SLC25A15: variants seen among roughly 807,000 people sequenced by gnomAD.
SLC25A15 encodes the protein mitochondrial ornithine transporter 1.
SLC25A15 carries 24 observed loss-of-function variants against 32.3 expected under a neutral mutation model. The observed-to-expected ratio is 0.74, with a 90% CI of 0.54 to 1.04. The LOEUF is 1.04. SLC25A15 is among the 50% of genes least tolerant of loss of function. The pLI is 0.00. For missense variants in SLC25A15, 317 were observed against 374.5 expected (o/e 0.85, Z 1.27); for synonymous variants, 132 against 142.1 (o/e 0.93, Z 0.51).
chr13:40,807,350 A>C lies in SLC25A15; in HGVS notation c.509A>C (p.Tyr170Ser). The change falls in exon 5 of 7, where the codon TAC (tyrosine) becomes TCC (serine). Residue 170 changes from tyrosine (Y) to serine (S), a missense_variant. Transcript: ENST00000338625. ...AGGAAAGATGGCCCCTTGGGGTTCT[A>C]CCATGGACTCTCAAGCACTTTACTT... ...ILRKDGPLGF[Y>S]HGLSSTLLRE... 6.2e-7 allele frequency: 1 copy of C among 1,613,956 alleles called. No individual in the cohort carries two copies. Among genetic ancestry groups the C allele is most frequent in the African/African-American group, 1.3e-5 (1 of 74,984 alleles).
intron 1 of SLC25A15, among the ~76,000 whole-genome samples, chr13:40,790,943 G>T (rs73461255): frequency 0.036 from 5,528 of 152,086 alleles, 248 homozygotes; most frequent in East Asian, 0.16. Flanking sequence ...TTAATTCTTA[G>T]GGACAGATAG....
At chr13:40,808,677 T>G in intron 6 of SLC25A15, 81 bp downstream of exon 6, 1 of 1,246,964 alleles carries the variant, frequency 8.0e-7, no homozygotes, top group Middle Eastern at 2.4e-4. Context: ...CTCATGCCTG[T>G]GATCCCAGCA....
intron 1 of SLC25A15, among the ~76,000 whole-genome samples, chr13:40,791,522 T>C (rs981035073): frequency 2.0e-5 from 3 of 151,268 alleles, no homozygotes; most frequent in Non-Finnish European, 2.9e-5. Context: ...CACGCTGGGG[T>C]CATTTTTGTA....
At chr13:40,805,055 T>TGTGTG in intron 3 of SLC25A15, 63 bp from the exon 4 acceptor site, 1 of 1,603,234 alleles carries the variant, frequency 6.2e-7, no homozygotes, top group South Asian at 1.1e-5. Flanking sequence ...AAGTGCTGTC[T>TGTGTG]GTGTGGTGAG....
intron 3 of SLC25A15, chr13:40,802,404 A>G (rs1881927512): frequency 6.6e-6 from 1 of 152,250 alleles, no homozygotes. Flanking sequence ...TCCTACTGAA[A>G]GAAAGCTCCA....
intron 2 of SLC25A15, among the ~76,000 whole-genome samples, chr13:40,796,784 G>C (rs1881682475): frequency 6.6e-6 from 1 of 151,990 alleles, no homozygotes; most frequent in Non-Finnish European, 1.5e-5. Flanking sequence ...CACTGTCCCT[G>C]CCCTGATAGA....
intron 1 of SLC25A15, among the ~76,000 whole-genome samples, chr13:40,791,701 C>T (rs924542421): frequency 6.6e-6 from 1 of 152,162 alleles, no homozygotes; most frequent in Admixed American, 6.6e-5. Context: ...ATGGCCACCA[C>T]CTTTTCAGCC....
chr13:40,798,533 G>A (rs1881748154), intron 2 of SLC25A15: 1 of 153,250 alleles, frequency 6.5e-6, no homozygotes, highest in Admixed American at 6.5e-5. Flanking sequence ...CTGGGCATTA[G>A]GCAAAGTGAG....
At chr13:40,789,759 G>C (rs1481670858) in intron 1 of SLC25A15, 96 bp downstream of exon 1, 1 of 152,270 alleles carries the variant, frequency 6.6e-6, no homozygotes, top group African/African-American at 2.4e-5. Context: ...GTGTGCGGGC[G>C]GCGTGACCTT....
intron 2 of SLC25A15, 90 bp from the exon 3 acceptor site, chr13:40,798,967 G>C (rs987202579): frequency 6.2e-7 from 1 of 1,611,372 alleles, no homozygotes; most frequent in African/African-American, 1.3e-5. Context: ...CGAAGCAGGG[G>C]TAAGTTCTGG....
Position 40,807,159 on chromosome 13 carries a change from C to T in SLC25A15, c.453-135C>T, listed in dbSNP as rs1226049757. The T allele has an allele frequency of 2.0e-5, 17 of 838,388 alleles. No homozygotes were observed. In the East Asian group the frequency reaches 3.4e-4, roughly 17 times the overall value. The allele number at this position is 838,388 out of a possible 1,614,324, so 51.9% of individuals were successfully genotyped here. ...AGAAGGATGCCGTTGAGTCTTAATT[C>T]CTGGCTCTTCATTTACAAAATCAGC... On this transcript the variant is annotated intron_variant, in intron 4 of 6. Transcript: ENST00000338625.
chr13:40,799,138 G>T lies in SLC25A15; in HGVS notation c.137G>T (p.Gly46Val). 1 of 1,614,212 alleles carries T rather than the reference G, an allele frequency of 6.2e-7. No homozygotes were observed. The highest frequency in any genetic ancestry group is 8.5e-7 in the Non-Finnish European group (1 of 1,180,030). Residue 46 changes from glycine (G) to valine (V), a missense_variant, in exon 3 of 7, where the codon GGC becomes GTC. By Grantham distance (109) the Gly-to-Val change is moderately radical (BLOSUM62 -3). Coordinates refer to ENST00000338625, the MANE Select transcript of SLC25A15 (RefSeq NM_014252.4). ...CAGACGTTCCCTGACCTGTACCGGG[G>T]CCTCACCGACTGCTGCCTGAAGACT... ...KMQTFPDLYR[G>V]LTDCCLKTYS...
chr13:40,793,125 T>C, intron 1 of SLC25A15, 33 bp from the exon 2 acceptor site: 2 of 1,189,026 alleles, frequency 1.7e-6, no homozygotes, highest in Non-Finnish European at 1.2e-6. Context: ...TGCTGCAGAC[T>C]TGGACTAATG....
intron 3 of SLC25A15, among the ~76,000 whole-genome samples, chr13:40,804,642 C>T (rs1593293776): frequency 2.0e-5 from 3 of 151,402 alleles, no homozygotes; most frequent in Admixed American, 6.6e-5. Flanking sequence ...CCTGGGTTCA[C>T]GCCATTCTCC....
At chr13:40,799,638 A>G (rs1881804739) in intron 3 of SLC25A15, among the ~76,000 whole-genome samples, 1 of 152,226 alleles carries the variant, frequency 6.6e-6, no homozygotes, top group South Asian at 2.1e-4. Context: ...TAGAAACCAC[A>G]TATGCACACC....
At chr13:40,809,505 G>A (rs1307862331) in intron 6 of SLC25A15, 38 bp from the exon 7 acceptor site, 2 of 1,611,804 alleles carry the variant, frequency 1.2e-6, no homozygotes, top group African/African-American at 1.3e-5. Flanking sequence ...CCCAAAGGAG[G>A]GATTGTTGCA....
chr13:40,809,420 A>G, intron 6 of SLC25A15, 123 bp from the exon 7 acceptor site: 1 of 1,196,322 alleles, frequency 8.4e-7, no homozygotes, highest in Non-Finnish European at 1.2e-6. Flanking sequence ...TCCTTCTATG[A>G]CTTGTTGGTT....
rs1451303543 is a variant in SLC25A15 at position 40,812,306 on chromosome 13, A to ATT, written c.*2639_*2640insTT. Among the ~76,000 whole-genome samples, 1 of 152,170 alleles carries ATT rather than the reference A, an allele frequency of 6.6e-6. No individual in the cohort carries two copies. The highest frequency in any genetic ancestry group is 1.5e-5 in the Non-Finnish European group (1 of 68,030). On this transcript the variant is annotated 3_prime_UTR_variant, in exon 7 of 7. Coordinates refer to ENST00000338625, the MANE Select transcript of SLC25A15 (RefSeq NM_014252.4). ...AAGTGGAAATGAGGAACGGAAACTTAGGTTGGGAGAATATTTTTTTTTTAT... is the reference window on the plus strand; with the variant it reads ...AAGTGGAAATGAGGAACGGAAACTTATTGGTTGGGAGAATATTTTTTTTTTAT...
At chr13:40,800,677 C>A (rs1227064181) in intron 3 of SLC25A15, among the ~76,000 whole-genome samples, 2 of 152,180 alleles carry the variant, frequency 1.3e-5, no homozygotes, top group Non-Finnish European at 2.9e-5. Context: ...ATGAGTGAAA[C>A]CACTGGATCT....
Sources: allele counts gnomAD v4.1 joint callset (sites outside exome capture counted in the v4.1 genomes callset), GRCh38; gene constraint gnomAD v4.1.1; transcripts MANE v1.5; gene names NCBI Gene and HGNC (gene_info 2026-07-23, HGNC 2026-07-21).